GALNTL6: variants seen among roughly 807,000 people sequenced by gnomAD.
GALNTL6 encodes the protein polypeptide N-acetylgalactosaminyltransferase like 6, also known as polypeptide N-acetylgalactosaminyltransferase-like 6.
A neutral mutation model predicts 73.7 loss-of-function variants in GALNTL6; 46 were observed. The ratio of observed to expected loss-of-function variants is 0.62; its 90% confidence interval spans 0.49 to 0.80. The LOEUF (loss-of-function observed/expected upper bound fraction) is 0.80. Among genes scored for constraint, GALNTL6 ranks in the 30% least tolerant of loss-of-function variants. The pLI is 0.00. For synonymous variants in GALNTL6, 259 were observed against 263.7 expected (o/e 0.98, Z 0.17); for missense variants, 604 against 755.0 (o/e 0.80, Z 2.34).
intron 2 of GALNTL6, among the ~76,000 whole-genome samples, chr4:171,835,361 T>C (rs948889215): frequency 6.6e-6 from 1 of 152,032 alleles, no homozygotes; most frequent in African/African-American, 2.4e-5. Context: ...AATGTATGTG[T>C]GTGGGTTTTG....
chr4:172,023,011 T>G (rs1007175021), intron 2 of GALNTL6, among the ~76,000 whole-genome samples: 4 of 152,144 alleles, frequency 2.6e-5, no homozygotes, highest in African/African-American at 7.2e-5. Context: ...ATAAAGTCAT[T>G]TAAATTTCTT....
At chr4:172,378,737 T>C (rs7686531) in intron 5 of GALNTL6, among the ~76,000 whole-genome samples, 145,901 of 152,082 alleles carry the variant, frequency 0.96, 70,260 homozygotes, top group East Asian at 1. Flanking sequence ...AAATATAGTG[T>C]ATATACCTTG....
intron 2 of GALNTL6, among the ~76,000 whole-genome samples, chr4:171,947,794 G>A (rs7690646): frequency 0.27 from 40,463 of 151,962 alleles, 6,169 homozygotes; most frequent in African/African-American, 0.42. Flanking sequence ...AGCCTAATAT[G>A]TACTGGAGTT....
At chr4:172,209,105 G>A (rs1324712171) in intron 2 of GALNTL6, among the ~76,000 whole-genome samples, 2 of 151,984 alleles carry the variant, frequency 1.3e-5, no homozygotes, top group Non-Finnish European at 2.9e-5. Flanking sequence ...TAATTGCAAA[G>A]AATAATATTT....
chr4:172,295,739 A>ACACACACAG (rs1454829612), intron 3 of GALNTL6, among the ~76,000 whole-genome samples: 5 of 151,378 alleles, frequency 3.3e-5, no homozygotes, highest in African/African-American at 9.7e-5. Context: ...CCTCCCACAC[A>ACACACACAG]CACACAGGTC....
chr4:172,016,720 T>C (rs10003010), intron 2 of GALNTL6, among the ~76,000 whole-genome samples: 11,566 of 151,530 alleles, frequency 0.076, 862 homozygotes, highest in African/African-American at 0.2. Flanking sequence ...AAATTATTTT[T>C]TAATTTATTT....
intron 5 of GALNTL6, among the ~76,000 whole-genome samples, chr4:172,608,916 G>A (rs1432098804): frequency 6.6e-6 from 1 of 151,836 alleles, no homozygotes; most frequent in Non-Finnish European, 1.5e-5. Flanking sequence ...TCTTAATTTG[G>A]CTCTCAGCTT....
intron 2 of GALNTL6, among the ~76,000 whole-genome samples, chr4:172,039,744 G>A (rs1478341792): frequency 6.6e-6 from 1 of 152,110 alleles, no homozygotes; most frequent in South Asian, 2.1e-4. Flanking sequence ...CTAAGGTTAA[G>A]AAGATTAACC....
intron 7 of GALNTL6, among the ~76,000 whole-genome samples, chr4:172,853,290 C>A (rs565089111): frequency 1.7e-4 from 26 of 152,306 alleles, no homozygotes; most frequent in African/African-American, 6.3e-4. Context: ...CACTTCCTTG[C>A]CATGAGGGGT....
intron 2 of GALNTL6, among the ~76,000 whole-genome samples, chr4:171,946,866 C>A (rs377710066): frequency 1.1e-4 from 16 of 151,366 alleles, no homozygotes; most frequent in African/African-American, 3.1e-4. Context: ...GAGTGTAGGG[C>A]AGAGACAAGA....
At chr4:172,940,329 A>G (rs1748852447) in intron 9 of GALNTL6, among the ~76,000 whole-genome samples, 1 of 151,900 alleles carries the variant, frequency 6.6e-6, no homozygotes, top group Non-Finnish European at 1.5e-5. Flanking sequence ...CCACTTCCCA[A>G]CTAGGAATCA....
chr4:172,324,445 T>A (rs796713971), intron 4 of GALNTL6, among the ~76,000 whole-genome samples: 2 of 151,856 alleles, frequency 1.3e-5, no homozygotes, highest in African/African-American at 4.8e-5. Context: ...TAAATTTTCC[T>A]TTTTGAAAGG....
At chr4:172,530,323 A>C (rs1323746529) in intron 5 of GALNTL6, among the ~76,000 whole-genome samples, 3 of 152,178 alleles carry the variant, frequency 2.0e-5, no homozygotes, top group African/African-American at 7.2e-5. Flanking sequence ...TCTTTTTAGC[A>C]AAATATTCTA....
chr4:172,407,073 A>T (rs1381483747), intron 5 of GALNTL6, among the ~76,000 whole-genome samples: 1 of 152,014 alleles, frequency 6.6e-6, no homozygotes, highest in Admixed American at 6.6e-5. Context: ...CATCTCTTAC[A>T]GCAAAATTTA....
intron 5 of GALNTL6, among the ~76,000 whole-genome samples, chr4:172,481,267 G>T (rs912209543): frequency 6.6e-6 from 1 of 152,090 alleles, no homozygotes; most frequent in Non-Finnish European, 1.5e-5. Flanking sequence ...TCCTCCCGGT[G>T]GGTTTGTGGT....
intron 5 of GALNTL6, among the ~76,000 whole-genome samples, chr4:172,427,696 C>A (rs976588721): frequency 1.6e-4 from 25 of 152,090 alleles, no homozygotes; most frequent in African/African-American, 5.6e-4. Flanking sequence ...AGGTTAAAGT[C>A]CCAGAATGAA....
chr4:171,841,083 G>A (rs1373523724), intron 2 of GALNTL6, among the ~76,000 whole-genome samples: 1 of 152,132 alleles, frequency 6.6e-6, no homozygotes, highest in African/African-American at 2.4e-5. Flanking sequence ...AAACCTTTTA[G>A]AAGATTCTTT....
At chr4:172,614,959 T>G (rs576930433) in intron 5 of GALNTL6, among the ~76,000 whole-genome samples, 34 of 152,270 alleles carry the variant, frequency 2.2e-4, no homozygotes, top group Admixed American at 4.6e-4. Flanking sequence ...AAGAAACGTG[T>G]GCTTCCCAAA....
rs759906263 is a variant in GALNTL6 at position 172,155,261 on chromosome 4, G to A, written c.139-74395G>A. ...GATCCACCCGCCTCAGGCTTCCAAA[G>A]TGCTGGCATTACAGGCGTGAGCCAC... is the stretch of plus-strand genomic sequence containing the variant. On this transcript the variant is annotated intron_variant, in intron 2 of 12. Coordinates refer to ENST00000506823, the MANE Select transcript of GALNTL6 (RefSeq NM_001034845.3). Among the ~76,000 whole-genome samples the A allele has an allele frequency of 3.0e-4, 45 of 152,172 alleles. 1 individual carries two copies. Among genetic ancestry groups the A allele is most frequent in the Non-Finnish European group, 7.3e-5 (5 of 68,032 alleles).
Sources: allele counts gnomAD v4.1 joint callset (sites outside exome capture counted in the v4.1 genomes callset), GRCh38; gene constraint gnomAD v4.1.1; transcripts MANE v1.5; gene names NCBI Gene and HGNC (gene_info 2026-07-23, HGNC 2026-07-21).